The following RFX3 variants were observed in gnomAD, a reference collection of about 807,000 sequenced individuals.
RFX3 encodes the protein transcription factor RFX3.
In RFX3, 14 loss-of-function variants were observed where a neutral mutation model predicts 98.6. The ratio of observed to expected loss-of-function variants is 0.14; its 90% CI spans 0.09 to 0.22. RFX3 has a LOEUF of 0.22. Among genes scored for constraint, RFX3 ranks in the 10% least tolerant of loss-of-function variants. The probability of loss-of-function intolerance (pLI) is 1.00; values close to 1 mark genes in which losing one functional copy is unlikely to be tolerated. For missense variants in RFX3, 639 were observed against 926.9 expected (o/e 0.69, Z 4.03); for synonymous variants, 383 against 328.4 (o/e 1.17, Z -1.80).
At chr9:3,320,496 G>C (rs933793603) in intron 4 of RFX3, among the ~76,000 whole-genome samples, 4 of 150,916 alleles carry the variant, frequency 2.7e-5, no homozygotes. Context: ...AGGTTGCAGT[G>C]AGCCGAGATC....
At chr9:3,324,488 T>C (rs1295688940) in intron 4 of RFX3, among the ~76,000 whole-genome samples, 1 of 150,764 alleles carries the variant, frequency 6.6e-6, no homozygotes, top group Non-Finnish European at 1.5e-5. Flanking sequence ...CCCTTAAATA[T>C]AAGGGAGTTC....
chr9:3,511,165 A>G (rs1307851610), intron 1 of RFX3, among the ~76,000 whole-genome samples: 8 of 152,124 alleles, frequency 5.3e-5, no homozygotes, highest in Non-Finnish European at 2.9e-5. Flanking sequence ...TATTTAATGC[A>G]CTGTATTTAC....
At chr9:3,416,523 C>T (rs1444733005) in intron 1 of RFX3, among the ~76,000 whole-genome samples, 1 of 152,104 alleles carries the variant, frequency 6.6e-6, no homozygotes, top group African/African-American at 2.4e-5. Context: ...AATAGAAGGG[C>T]ATCTGAAGTG....
At chr9:3,386,999 T>A (rs985922218) in intron 2 of RFX3, among the ~76,000 whole-genome samples, 10 of 152,144 alleles carry the variant, frequency 6.6e-5, no homozygotes, top group African/African-American at 2.4e-4. Flanking sequence ...ACTTCCCAGG[T>A]TCCTCTCCCC....
At chr9:3,242,222 C>G (rs758225466) in intron 15 of RFX3, among the ~76,000 whole-genome samples, 1 of 152,078 alleles carries the variant, frequency 6.6e-6, no homozygotes, top group Non-Finnish European at 1.5e-5. Flanking sequence ...ACATCTTTTG[C>G]AAGGTTTCAA....
chr9:3,512,962 T>C (rs1465797044), intron 1 of RFX3, among the ~76,000 whole-genome samples: 3 of 152,082 alleles, frequency 2.0e-5, no homozygotes, highest in African/African-American at 4.8e-5. Flanking sequence ...CCCTCTACAA[T>C]TGGAAACCTT....
In RFX3 at chr9:3,257,211, A is replaced by G; in HGVS notation, c.1606-12T>C. 1 of 1,612,924 alleles carries G rather than the reference A, an allele frequency of 6.2e-7. No individual in the cohort carries two copies. The highest frequency in any genetic ancestry group is 1.1e-5 in the South Asian group (1 of 91,042). On this transcript the variant is annotated splice_polypyrimidine_tract_variant and intron_variant, in intron 13 of 16. Coordinates refer to ENST00000617270, the MANE Select transcript of RFX3 (RefSeq NM_001282116.2). ...CAGGAAGCCTGCTCCTGAGACAGTAACACAGAAAGAAAAGGAAAAGTTCAA... is the reference window on the plus strand; with the variant it reads ...CAGGAAGCCTGCTCCTGAGACAGTAGCACAGAAAGAAAAGGAAAAGTTCAA...
chr9:3,388,105 G>A (rs184779881), intron 2 of RFX3, among the ~76,000 whole-genome samples: 21 of 152,104 alleles, frequency 1.4e-4, no homozygotes, highest in Admixed American at 6.5e-4. Flanking sequence ...CTAATTATCA[G>A]GGTTTCTTAC....
intron 1 of RFX3, among the ~76,000 whole-genome samples, chr9:3,509,319 A>C (rs1454377600): frequency 6.6e-6 from 1 of 151,998 alleles, no homozygotes; most frequent in Non-Finnish European, 1.5e-5. Flanking sequence ...TACAAGAACA[A>C]AGATTTCCAT....
chr9:3,238,264 G>A (rs1291736843), intron 15 of RFX3, among the ~76,000 whole-genome samples: 1 of 152,192 alleles, frequency 6.6e-6, no homozygotes, highest in African/African-American at 2.4e-5. Flanking sequence ...TCTAAGAATG[G>A]AAGGGTAAAG....
intron 1 of RFX3, among the ~76,000 whole-genome samples, chr9:3,415,093 TACTC>T (rs1842862857): frequency 2.2e-5 from 2 of 89,868 alleles, no homozygotes; most frequent in South Asian, 2.8e-4. Context: ...CTTATATATA[TACTC>T]ATATATAAGT....
chr9:3,366,698 CTTTCTTTCTTTCTTTCTTTCTTT>C, intron 2 of RFX3, among the ~76,000 whole-genome samples: 1 of 61,808 alleles, frequency 1.6e-5, no homozygotes, highest in African/African-American at 6.5e-5. Flanking sequence ...TCTTTCCTTT[CTTTCTTTCTTTCTTTCTTTCTTT>C]CTTTCTTTCT....
chr9:3,468,815 G>GAAAAAAAAAAAAAAAAAA (rs34057815), intron 1 of RFX3, among the ~76,000 whole-genome samples: 16 of 84,262 alleles, frequency 1.9e-4, no homozygotes, highest in Non-Finnish European at 3.8e-4. Flanking sequence ...TTTTCCTTTT[G>GAAAAAAAAAAAAAAAAAA]AAAAAAAAAA....
rs1333690569 is a variant in RFX3, at chr9:3,504,962, T to C, written c.-9+20785A>G. 7.5e-4 allele frequency among the ~76,000 whole-genome samples: 60 copies of C among 79,808 alleles called. 3 individuals carry two copies. The East Asian group carries it at 0.021, about 28-fold the overall frequency. 52.4% of individuals were successfully genotyped at this position (79,808 alleles called of 152,430 possible). A position where few individuals can be genotyped will look rare whatever the true frequency, so the allele number is the denominator to read the frequency against. ...TATATATAATATAATATATATTATA[T>C]ATAATATATATTATATAATATATAT... is the stretch of plus-strand genomic sequence containing the variant. On this transcript the variant is annotated intron_variant, in intron 1 of 16. Transcript: ENST00000617270.
intron 1 of RFX3, among the ~76,000 whole-genome samples, chr9:3,507,014 T>C (rs1253659181): frequency 6.6e-6 from 1 of 151,936 alleles, no homozygotes; most frequent in Non-Finnish European, 1.5e-5. Flanking sequence ...AAATTGACAA[T>C]CTGAAGCTTA....
intron 1 of RFX3, among the ~76,000 whole-genome samples, chr9:3,504,955 T>C (rs1816747747): frequency 1.4e-5 from 1 of 71,096 alleles, no homozygotes; most frequent in African/African-American, 6.4e-5. Context: ...ATATAATATA[T>C]ATTATATATA....
chr9:3,468,815 GAAAAAA>G (rs34057815), intron 1 of RFX3, among the ~76,000 whole-genome samples: 4 of 84,274 alleles, frequency 4.7e-5, no homozygotes, highest in Admixed American at 1.2e-4. Flanking sequence ...TTTTCCTTTT[GAAAAAA>G]AAAAAAAAAA....
intron 1 of RFX3, among the ~76,000 whole-genome samples, chr9:3,453,324 A>G (rs924113007): frequency 6.6e-6 from 1 of 151,932 alleles, no homozygotes; most frequent in Admixed American, 6.6e-5. Context: ...ACTTATCACT[A>G]ACTAACTAAA....
chr9:3,339,519 T>C (rs1478199792), intron 3 of RFX3, among the ~76,000 whole-genome samples: 1 of 152,224 alleles, frequency 6.6e-6, no homozygotes, highest in Non-Finnish European at 1.5e-5. Context: ...CATTCATTTT[T>C]TCCCTGTGTA....
Sources: allele counts gnomAD v4.1 joint callset (sites outside exome capture counted in the v4.1 genomes callset), GRCh38; gene constraint gnomAD v4.1.1; transcripts MANE v1.5; gene names NCBI Gene and HGNC (gene_info 2026-07-23, HGNC 2026-07-21).